The following HECW1 variants were observed in gnomAD, a reference collection of about 807,000 sequenced individuals.
HECW1 encodes HECT, C2 and WW domain containing E3 ubiquitin protein ligase 1.
Under a neutral mutation model 182.3 loss-of-function variants are expected in HECW1, and 61 were observed. That is an observed-to-expected ratio of 0.33 (90% CI 0.27 to 0.41). The LOEUF is 0.41. Ranked by LOEUF, HECW1 falls within the 10% of genes least tolerant of loss-of-function variation. HECW1 has a pLI of 1.00. For synonymous variants in HECW1, 859 were observed against 832.6 expected, an observed-to-expected ratio of 1.03 and a Z score of -0.55; for missense variants, 1,739 against 2,108.9, an observed-to-expected ratio of 0.82 and a Z score of 3.44.
At chr7:43,173,868 G>A (rs921162858) in intron 2 of HECW1, among the ~76,000 whole-genome samples, 3 of 151,498 alleles carry the variant, frequency 2.0e-5, no homozygotes, top group Non-Finnish European at 4.4e-5. Flanking sequence ...TTTGGAGACA[G>A]GGTATCACTC....
At chr7:43,234,860 A>G (rs1021282684) in intron 2 of HECW1, among the ~76,000 whole-genome samples, 3 of 152,226 alleles carry the variant, frequency 2.0e-5, no homozygotes, top group Non-Finnish European at 4.4e-5. Flanking sequence ...GAGTGAATGC[A>G]TGAATGAAAA....
intron 2 of HECW1, among the ~76,000 whole-genome samples, chr7:43,217,385 A>G (rs1053069874): frequency 6.6e-6 from 1 of 152,254 alleles, no homozygotes; most frequent in Non-Finnish European, 1.5e-5. Flanking sequence ...ATAAGAAATA[A>G]GAAACATGTT....
chr7:43,380,994 C>T (rs1391551354), intron 6 of HECW1, among the ~76,000 whole-genome samples: 3 of 152,312 alleles, frequency 2.0e-5, no homozygotes, highest in South Asian at 4.1e-4. Context: ...CACATCCTTG[C>T]TAACACTTGA....
At chr7:43,228,796 G>A (rs910610834) in intron 2 of HECW1, among the ~76,000 whole-genome samples, 3 of 152,098 alleles carry the variant, frequency 2.0e-5, no homozygotes, top group Non-Finnish European at 4.4e-5. Flanking sequence ...CTTATAAAAG[G>A]CATCCATTAA....
intron 3 of HECW1, among the ~76,000 whole-genome samples, chr7:43,258,380 A>T (rs1319200723): frequency 1.3e-5 from 2 of 152,008 alleles, no homozygotes; most frequent in Non-Finnish European, 2.9e-5. Flanking sequence ...AAAATAAAAA[A>T]AAAGAATTAC....
Position 43,479,635 on chromosome 7 carries a change from G to T in HECW1, c.3125G>T (p.Arg1042Leu), listed in dbSNP as rs531623127. 1 of 1,613,842 alleles carries T rather than the reference G, an allele frequency of 6.2e-7. No homozygotes were observed. The highest frequency in any genetic ancestry group is 1.1e-5 in the South Asian group (1 of 91,058). The change falls in exon 17 of 30, where the codon CGA becomes CTA. Residue 1042 changes from arginine to leucine, a missense_variant. This residue lies in a region of HECW1 where 971 missense variants were observed against 1,029.1 expected (regional missense o/e 0.94). Coordinates refer to ENST00000395891, the MANE Select transcript of HECW1 (RefSeq NM_015052.5). ...TCTTTTTTCGTGGACCACAACAGTCGAGCTACCACTTTCATTGACCCCCGA... is the reference window on the plus strand; with the variant it reads ...TCTTTTTTCGTGGACCACAACAGTCTAGCTACCACTTTCATTGACCCCCGA... The part of the protein sequence containing the change: ...GKSFFVDHNS[R>L]ATTFIDPRIP...
intron 3 of HECW1, among the ~76,000 whole-genome samples, chr7:43,301,910 A>G (rs1023283342): frequency 1.3e-5 from 2 of 151,878 alleles, no homozygotes; most frequent in African/African-American, 2.4e-5. Flanking sequence ...GAATAAAACC[A>G]AAGACAGGAT....
At chr7:43,318,943 G>A (rs1311106926) in intron 4 of HECW1, among the ~76,000 whole-genome samples, 2 of 152,200 alleles carry the variant, frequency 1.3e-5, no homozygotes, top group Admixed American at 6.5e-5. Flanking sequence ...AAACTACAAG[G>A]GCTCCATAGA....
chr7:43,119,686 G>A (rs925562316), intron 2 of HECW1, among the ~76,000 whole-genome samples: 13 of 135,326 alleles, frequency 9.6e-5, no homozygotes, highest in African/African-American at 2.1e-4. Flanking sequence ...TACAACCCCC[G>A]ATTTTTGCTC....
intron 3 of HECW1, among the ~76,000 whole-genome samples, chr7:43,265,326 C>T (rs1414730746): frequency 2.0e-5 from 3 of 152,160 alleles, no homozygotes; most frequent in African/African-American, 7.2e-5. Flanking sequence ...ACTCATTGGC[C>T]AGAATTGGTC....
chr7:43,122,987 T>C (rs1785794589), intron 2 of HECW1, among the ~76,000 whole-genome samples: 1 of 152,222 alleles, frequency 6.6e-6, no homozygotes, highest in African/African-American at 2.4e-5. Flanking sequence ...GATTTTTCCA[T>C]CTAGACAAAA....
chr7:43,364,667 G>A (rs1816400449), intron 6 of HECW1, among the ~76,000 whole-genome samples: 1 of 152,240 alleles, frequency 6.6e-6, no homozygotes, highest in Non-Finnish European at 1.5e-5. Flanking sequence ...AAGGCACGGG[G>A]TGAGAAATGG....
At chr7:43,239,493 G>A (rs1798679836) in intron 2 of HECW1, among the ~76,000 whole-genome samples, 2 of 152,176 alleles carry the variant, frequency 1.3e-5, no homozygotes, top group Non-Finnish European at 2.9e-5. Context: ...TGCCCTAGAG[G>A]GCAAAGATAG....
intron 24 of HECW1, among the ~76,000 whole-genome samples, chr7:43,527,383 C>CTT (rs34461041): frequency 2.6e-3 from 390 of 151,864 alleles, no homozygotes; most frequent in African/African-American, 1.4e-3. Context: ...AGGGGAGACC[C>CTT]TTTTTTTACC....
chr7:43,560,828 A>C (rs1707447679), intron 29 of HECW1, among the ~76,000 whole-genome samples: 1 of 152,004 alleles, frequency 6.6e-6, no homozygotes, highest in African/African-American at 2.4e-5. Flanking sequence ...ATTTTATTTG[A>C]TTTGGTTTGA....
intron 2 of HECW1, among the ~76,000 whole-genome samples, chr7:43,135,472 T>A (rs1223814929): frequency 6.6e-6 from 1 of 152,190 alleles, no homozygotes; most frequent in African/African-American, 2.4e-5. Flanking sequence ...TAGAATATCA[T>A]GTAGCTGCCC....
intron 26 of HECW1, among the ~76,000 whole-genome samples, chr7:43,544,469 A>G (rs190212506): frequency 6.6e-6 from 1 of 152,296 alleles, no homozygotes; most frequent in East Asian, 1.9e-4. Flanking sequence ...ATTTACCAGT[A>G]TTTTGGGATG....
At chr7:43,452,744 G>C (rs1487033930) in intron 12 of HECW1, among the ~76,000 whole-genome samples, 1 of 152,196 alleles carries the variant, frequency 6.6e-6, no homozygotes, top group African/African-American at 2.4e-5. Flanking sequence ...CAGGGTGAGG[G>C]ATCTCTGAGT....
At chr7:43,292,999 T>TGGATCATGA (rs1413072453) in intron 3 of HECW1, among the ~76,000 whole-genome samples, 1 of 150,718 alleles carries the variant, frequency 6.6e-6, no homozygotes, top group Non-Finnish European at 1.5e-5. Flanking sequence ...CCAAGGCGGG[T>TGGATCATGA]GGATCATGAG....
Sources: gnomAD v4.1 joint callset for allele counts (sites outside exome capture counted in the v4.1 genomes callset) on GRCh38, gnomAD v4.1.1 for gene constraint, gnomAD v4.1.1 regional missense constraint, MANE v1.5 for transcripts, NCBI Gene and HGNC (gene_info 2026-07-23, HGNC 2026-07-21) for gene names.